The following NOBOX variants were observed in gnomAD, a reference collection of about 807,000 sequenced individuals.
The protein encoded by NOBOX is NOBOX oogenesis homeobox, also known as homeobox protein NOBOX.
In NOBOX, 46 loss-of-function variants were observed where a neutral mutation model predicts 60.2. The observed-to-expected ratio is 0.76, with a 90% CI of 0.60 to 0.98. The LOEUF is 0.98. NOBOX is among the 50% of genes least tolerant of loss of function. The pLI, the probability that NOBOX is intolerant of heterozygous loss-of-function variation, is 0.00. For synonymous variants in NOBOX, 360 were observed against 346.3 expected (o/e 1.04, Z -0.44); for missense variants, 880 against 865.5 (o/e 1.02, Z -0.21).
chr7:144,409,972 AC>A (rs2054010415), intron 1 of NOBOX, among the ~76,000 whole-genome samples: 1 of 152,196 alleles, frequency 6.6e-6, no homozygotes, highest in Admixed American at 6.5e-5. Context: ...TTGGGTCTGT[AC>A]CAGTTCTGCT....
At chr7:144,399,637 A>T (rs942102279) in intron 6 of NOBOX, 120 bp downstream of exon 4, 90 of 1,141,472 alleles carry the variant, frequency 7.9e-5, no homozygotes, top group Non-Finnish European at 1.1e-4. Flanking sequence ...TCTAAATCTT[A>T]GCTGGCAACC....
chr7:144,404,803 C>T, intron 1 of NOBOX: 1 of 1,148,258 alleles, frequency 8.7e-7, no homozygotes, highest in Non-Finnish European at 1.2e-6. Context: ...ATTCCTGGTT[C>T]ACGGAATGTT....
At position 144,399,112 on chromosome 7, in the gene NOBOX, C is replaced by T. The variant is rs780566386; in HGVS notation, c.1307G>A (p.Arg436Lys). 10 of 1,522,670 alleles carry T rather than the reference C, an allele frequency of 6.6e-6. No homozygotes were observed. The East Asian group carries it at 2.0e-4, about 31-fold the overall frequency. 94.3% of individuals were successfully genotyped at this position (1,522,670 alleles called of 1,614,324 possible). Reference sequence around the variant, plus strand: ...GCTGAAGAGTGGGGGGGTCACCACCCTCTGAGCACCCTCACTGGGTTGGGT... The same window carrying T: ...GCTGAAGAGTGGGGGGGTCACCACCTTCTGAGCACCCTCACTGGGTTGGGT... Residue 436 changes from arginine to lysine, a missense_variant, in exon 8 of 10, where the codon AGG (arginine) becomes AAG (lysine). Transcript: ENST00000467773.
Position 144,397,464 on chromosome 7 carries a change from G to T in NOBOX, c.1852C>A (p.Pro618Thr). 1.3e-6 allele frequency: 2 copies of T among 1,537,176 alleles called. No homozygotes were observed. The highest frequency in any genetic ancestry group is 1.2e-5 in the South Asian group (1 of 84,052). Residue 618 changes from proline (P) to threonine (T), a missense_variant, in exon 10 of 10, where the codon CCC becomes ACC. By Grantham distance (38) the Pro-to-Thr change is conservative (BLOSUM62 -1). Coordinates refer to ENST00000467773, the MANE Select transcript of NOBOX (RefSeq NM_001080413.3). ...GGAAAGTAGCCATCCCCTCCTGGGG[G>T]ATGCCCCAGAGCTTGTGGGCAGAAC... is the stretch of plus-strand genomic sequence containing the variant.
Position 144,401,588 on chromosome 7 carries a change from G to T in NOBOX, c.302C>A (p.Ala101Asp). 6.6e-7 allele frequency: 1 copy of T among 1,505,224 alleles called. No homozygotes were observed. The allele number at this position is 1,505,224 out of a possible 1,614,324, so 93.2% of individuals were successfully genotyped here. Residue 101 changes from alanine to aspartate, a missense_variant, in exon 4 of 10, where the codon GCT becomes GAT. Coordinates refer to ENST00000467773, the MANE Select transcript of NOBOX (RefSeq NM_001080413.3). This position sits in a 1 kb window ranked among gnomAD's most constrained non-coding sequence, Gnocchi z 4.2. ...TCCTGCAGCCAGGGGCTTCTCTCCA[G>T]CTTTCTGGCCTGTGGGGAGCCAACA...
Position 144,399,011 on chromosome 7 carries a change from T to C in NOBOX, c.1408A>G (p.Met470Val), listed in dbSNP as rs764362691. 1.3e-6 allele frequency: 2 copies of C among 1,589,606 alleles called. No homozygotes were observed. The highest frequency in any genetic ancestry group is 2.3e-5 in the South Asian group (2 of 87,560). The change falls in exon 8 of 10, where the codon ATG becomes GTG. Residue 470 changes from methionine (M) to valine (V), a missense_variant. Transcript: ENST00000467773. ...CTGCTGTCACTGCCAGCAACATCCA[T>C]CAGCAGTGGCATCAGTTGGGGGGTG...
At chr7:144,399,209 C>CGGTAA (rs1403232358) in intron 7 of NOBOX, 31 bp from the exon 6 acceptor site, 31 of 1,159,618 alleles carry the variant, frequency 2.7e-5, no homozygotes, top group Non-Finnish European at 3.9e-5. Flanking sequence ...GGTGCTATAA[C>CGGTAA]GGTAAGGAAA....
At chr7:144,404,287 C>T (rs1022921231) in intron 2 of NOBOX, among the ~76,000 whole-genome samples, 2 of 152,176 alleles carry the variant, frequency 1.3e-5, no homozygotes, top group Non-Finnish European at 2.9e-5. Flanking sequence ...CTTGCTCTGT[C>T]GCCCAGGCTG....
At chr7:144,400,438 A>C in intron 4 of NOBOX, 126 bp from the exon 3 acceptor site, 1 of 794,744 alleles carries the variant, frequency 1.3e-6, no homozygotes, top group Non-Finnish European at 2.0e-6. Flanking sequence ...CACTTTCCCA[A>C]AGCCTTTTTC....
At position 144,398,299 on chromosome 7, in the gene NOBOX, G is replaced by A. The variant is rs1236500725; in HGVS notation, c.1757C>T (p.Pro586Leu). 4.6e-6 allele frequency: 7 copies of A among 1,537,120 alleles called. No homozygotes were observed. The East Asian group carries it at 1.5e-4, about 32-fold the overall frequency. ...CAACTCACCTATATTCCCAGCAGGTGGTTGCATCAGGATCTGTCCTGAGGA... is the reference window on the plus strand; with the variant it reads ...CAACTCACCTATATTCCCAGCAGGTAGTTGCATCAGGATCTGTCCTGAGGA... The change falls in exon 9 of 10, where the codon CCA (proline) becomes CTA (leucine). Residue 586 changes from proline (P) to leucine (L), a missense_variant. Transcript: ENST00000467773.
In NOBOX at chr7:144,398,393, C is replaced by T. The variant is rs759090791; in HGVS notation, c.1663G>A (p.Glu555Lys). Residue 555 changes from glutamate to lysine, a missense_variant, in exon 9 of 10, where the codon GAA becomes AAA. Glu to Lys is a moderately conservative substitution (Grantham distance 56). Transcript: ENST00000467773. The stretch of plus-strand genomic sequence containing the variant: ...CAGGGAAACATAAAGAGAGAGTCTT[C>T]GGGCGGTGGAAGCGTCAGTGAACTG... 23 of 1,537,060 alleles carry T rather than the reference C, an allele frequency of 1.5e-5. No homozygotes were observed. The highest frequency in any genetic ancestry group is 1.4e-4 in the South Asian group (12 of 84,056).
At chr7:144,398,621 G>C in intron 8 of NOBOX, 35 bp from the exon 7 acceptor site, 1 of 1,454,030 alleles carries the variant, frequency 6.9e-7, no homozygotes, top group South Asian at 1.2e-5. Context: ...TGAGGTGCAG[G>C]GGTGGGGGAG....
At chr7:144,400,377 G>A in intron 4 of NOBOX, 65 bp from the exon 3 acceptor site, 1 of 1,443,826 alleles carries the variant, frequency 6.9e-7, no homozygotes, top group Non-Finnish European at 9.7e-7. Flanking sequence ...AAGAGAAAGA[G>A]AGGTGCTCAC....
In NOBOX at chr7:144,403,639, C is replaced by T; in HGVS notation, c.210+917G>A. 1 of 698,854 alleles carries T rather than the reference C, an allele frequency of 1.4e-6. No individual in the cohort carries two copies. The highest frequency in any genetic ancestry group is 2.6e-6 in the Non-Finnish European group (1 of 382,836). 43.3% of individuals were successfully genotyped at this position (698,854 alleles called of 1,614,324 possible). The stretch of plus-strand genomic sequence containing the variant: ...CCCAAAGCCTGACCCCCTCGCACGA[C>T]GGGGTCTCCACACTCACCCAGCGGT... On this transcript the variant is annotated intron_variant, in intron 2 of 9. Transcript: ENST00000467773.
In NOBOX at chr7:144,399,098, G is replaced by A; in HGVS notation, c.1321C>T (p.Pro441Ser). ...CGCACAGGTGGGGGGCTGAAGAGTG[G>A]GGGGGTCACCACCCTCTGAGCACCC... Residue 441 changes from proline (P) to serine (S), a missense_variant, in exon 8 of 10, where the codon CCA (proline) becomes TCA (serine). Coordinates refer to ENST00000467773, the MANE Select transcript of NOBOX (RefSeq NM_001080413.3). The A allele has an allele frequency of 8.0e-7, 1 of 1,242,784 alleles. No individual in the cohort carries two copies. The highest frequency in any genetic ancestry group is 1.2e-6 in the Non-Finnish European group (1 of 847,376). The allele number at this position is 1,242,784 out of a possible 1,614,324, so 77.0% of individuals were successfully genotyped here.
chr7:144,406,865 G>A (rs1275169483), intron 1 of NOBOX, among the ~76,000 whole-genome samples: 1 of 152,188 alleles, frequency 6.6e-6, no homozygotes, highest in Non-Finnish European at 1.5e-5. Context: ...AGGACAACAA[G>A]GTATTGTTTT....
In NOBOX at chr7:144,401,025, T is replaced by G; in HGVS notation, c.844+21A>C. On this transcript the variant is annotated intron_variant, in intron 4 of 9. Transcript: ENST00000467773. The surrounding 1 kb of genome is among the most constrained non-coding windows in gnomAD (Gnocchi z 4.2). ...CAGGATGACCCCAGATCTCTTCGGT[T>G]TCCTCTCTTTAGGGACTTACCTGAG... 6.7e-7 allele frequency: 1 copy of G among 1,487,244 alleles called. No homozygotes were observed. Among genetic ancestry groups the G allele is most frequent in the Non-Finnish European group, 8.9e-7 (1 of 1,118,378 alleles). 92.1% of individuals were successfully genotyped at this position (1,487,244 alleles called of 1,614,324 possible). A position where few individuals can be genotyped will look rare whatever the true frequency, so the allele number is the denominator to read the frequency against.
chr7:144,399,661 C>T, intron 6 of NOBOX, 96 bp downstream of exon 4: 1 of 1,220,996 alleles, frequency 8.2e-7, no homozygotes, highest in Non-Finnish European at 1.2e-6. Context: ...GGACTCATGC[C>T]TAGCCTTCCA....
intron 1 of NOBOX, among the ~76,000 whole-genome samples, chr7:144,408,743 A>G (rs2054002440): frequency 6.6e-6 from 1 of 152,216 alleles, no homozygotes; most frequent in South Asian, 2.1e-4. Context: ...GGGATGGATC[A>G]TTGTTCAGTG....
Sources: allele counts gnomAD v4.1 joint callset (sites outside exome capture counted in the v4.1 genomes callset), GRCh38; gene constraint gnomAD v4.1.1; non-coding constraint Gnocchi (gnomAD v3.1); transcripts MANE v1.5; gene names NCBI Gene and HGNC (gene_info 2026-07-23, HGNC 2026-07-21).